Variants in PDE10A observed in about 807,000 individuals in gnomAD.
The protein encoded by PDE10A is phosphodiesterase 10A, also known as cAMP and cAMP-inhibited cGMP 3',5'-cyclic phosphodiesterase 10A.
A neutral mutation model predicts 97.7 loss-of-function variants in PDE10A; 39 were observed. The observed-to-expected ratio is 0.40, with a 90% CI of 0.31 to 0.52. The LOEUF (loss-of-function observed/expected upper bound fraction) is 0.52, where lower values mean the gene tolerates loss of function less well. PDE10A is among the 20% of genes least tolerant of loss of function. PDE10A has a pLI of 0.56. For synonymous variants in PDE10A, 371 were observed against 376.8 expected, an observed-to-expected ratio of 0.98 and a Z score of 0.18; for missense variants, 731 against 1,047.8, an observed-to-expected ratio of 0.70 and a Z score of 4.17.
chr6:165,408,543 C>T (rs1367146323), intron 13 of PDE10A, among the ~76,000 whole-genome samples: 1 of 151,936 alleles, frequency 6.6e-6, no homozygotes, highest in Non-Finnish European at 1.5e-5. Flanking sequence ...TCTAGGGATC[C>T]CACTATAAAG....
intron 1 of PDE10A, among the ~76,000 whole-genome samples, chr6:165,747,112 G>A (rs1792860923): frequency 6.6e-6 from 1 of 152,004 alleles, no homozygotes; most frequent in Non-Finnish European, 1.5e-5. Flanking sequence ...AAAGTTTAAA[G>A]AAGAAAAAGA....
chr6:165,722,653 G>T (rs1792193385), intron 1 of PDE10A, among the ~76,000 whole-genome samples: 2 of 152,068 alleles, frequency 1.3e-5, no homozygotes, highest in South Asian at 4.1e-4. Context: ...GGTGCCCAGG[G>T]GTAACTGAAA....
chr6:165,626,611 G>A (rs1015178427), intron 1 of PDE10A, among the ~76,000 whole-genome samples: 9 of 152,236 alleles, frequency 5.9e-5, no homozygotes, highest in Middle Eastern at 6.8e-3. Context: ...AAAATACCAC[G>A]GCTGAAACTA....
At chr6:165,784,780 T>A (rs971904424) in intron 1 of PDE10A, among the ~76,000 whole-genome samples, 21 of 152,138 alleles carry the variant, frequency 1.4e-4, no homozygotes. Context: ...TGGGAAACTG[T>A]ATATTCAAGC....
chr6:165,623,323 G>A (rs557510447), intron 1 of PDE10A, among the ~76,000 whole-genome samples: 28 of 152,024 alleles, frequency 1.8e-4, no homozygotes, highest in South Asian at 2.1e-4. Context: ...TCGCCATGTC[G>A]TCCAGCCTGG....
chr6:165,751,975 TAAA>T (rs956000600), intron 1 of PDE10A, among the ~76,000 whole-genome samples: 1 of 149,066 alleles, frequency 6.7e-6, no homozygotes, highest in South Asian at 2.1e-4. Flanking sequence ...CCATGTCTAC[TAAA>T]AAAAAAGTGA....
intron 1 of PDE10A, among the ~76,000 whole-genome samples, chr6:165,579,210 G>T (rs1785479310): frequency 6.6e-6 from 1 of 152,144 alleles, no homozygotes; most frequent in Non-Finnish European, 1.5e-5. Context: ...ATTTGTAGGT[G>T]GATGGAAACA....
chr6:165,657,521 G>A (rs927292528), intron 1 of PDE10A, among the ~76,000 whole-genome samples: 6 of 152,302 alleles, frequency 3.9e-5, no homozygotes, highest in South Asian at 2.1e-4. Flanking sequence ...AATGTGCACC[G>A]CACTATGTTT....
intron 13 of PDE10A, among the ~76,000 whole-genome samples, chr6:165,401,246 C>T (rs1786639095): frequency 6.6e-6 from 1 of 152,102 alleles, no homozygotes; most frequent in African/African-American, 2.4e-5. Flanking sequence ...GTATACATGA[C>T]ATATAAATTT....
rs145860174 is a variant in PDE10A at position 165,412,573 on chromosome 6, C to G, written c.2076+928G>C. Among the ~76,000 whole-genome samples, 282 of 152,206 alleles carry G rather than the reference C, an allele frequency of 1.9e-3. 1 individual carries two copies. Among genetic ancestry groups the G allele is most frequent in the African/African-American group, 6.5e-3 (269 of 41,526 alleles). On this transcript the variant is annotated intron_variant, in intron 13 of 21. Transcript: ENST00000539869. ...ACAGAAACTGTCCCCCAAAAGGGCA[C>G]CAGGAATGCGTGAGGAGAGAGGACG...
intron 2 of PDE10A, among the ~76,000 whole-genome samples, chr6:165,520,021 T>C (rs1438637408): frequency 6.6e-6 from 1 of 152,196 alleles, no homozygotes; most frequent in African/African-American, 2.4e-5. Flanking sequence ...TTTGCTTTTA[T>C]TTCTCTTGAA....
chr6:165,926,543 G>C (rs974061172), intron 1 of PDE10A, among the ~76,000 whole-genome samples: 1 of 152,196 alleles, frequency 6.6e-6, no homozygotes, highest in African/African-American at 2.4e-5. Context: ...AAACCCTAAC[G>C]GTTAGATTGG....
At chr6:165,916,036 A>C (rs1311922117) in intron 1 of PDE10A, among the ~76,000 whole-genome samples, 2 of 152,236 alleles carry the variant, frequency 1.3e-5, no homozygotes, top group Non-Finnish European at 2.9e-5. Flanking sequence ...TGCACTCTAA[A>C]TTTGGATGTA....
chr6:165,744,400 T>C (rs1792797927), intron 1 of PDE10A, among the ~76,000 whole-genome samples: 1 of 152,194 alleles, frequency 6.6e-6, no homozygotes, highest in Admixed American at 6.5e-5. Flanking sequence ...AATTGACACA[T>C]CATTATTTGT....
chr6:165,384,631 A>AGTGTGTGTGTGT (rs57175607), intron 17 of PDE10A, among the ~76,000 whole-genome samples: 50 of 67,016 alleles, frequency 7.5e-4, no homozygotes, highest in African/African-American at 1.6e-3. Context: ...TGTGTGAGTG[A>AGTGTGTGTGTGT]GTGTGTGTGT....
At chr6:165,832,872 C>T (rs1310394577) in intron 1 of PDE10A, among the ~76,000 whole-genome samples, 1 of 152,136 alleles carries the variant, frequency 6.6e-6, no homozygotes, top group Non-Finnish European at 1.5e-5. Context: ...TTAACTCCTC[C>T]CTGCAGAATT....
At chr6:165,767,242 T>A (rs1480869514) in intron 1 of PDE10A, among the ~76,000 whole-genome samples, 1 of 152,366 alleles carries the variant, frequency 6.6e-6, no homozygotes, top group East Asian at 1.9e-4. Context: ...AACCAAGAGT[T>A]GTTTATGTAA....
rs1371348654 is a variant in PDE10A, at chr6:165,661,015, C to T, written c.865+932G>A. The T allele has an allele frequency of 2.0e-5, 3 of 153,116 alleles. No individual in the cohort carries two copies. Among genetic ancestry groups the T allele is most frequent in the Non-Finnish European group, 2.9e-5 (2 of 68,748 alleles). 9.5% of individuals were successfully genotyped at this position (153,116 alleles called of 1,614,324 possible). Reference sequence around the variant, plus strand: ...CTCCTCTGCGCACCGGGCGCCTCCTCTTTCCTCACTGTCTCCCGCCTGCCT... The same window carrying T: ...CTCCTCTGCGCACCGGGCGCCTCCTTTTTCCTCACTGTCTCCCGCCTGCCT... On this transcript the variant is annotated intron_variant, in intron 1 of 21. Coordinates refer to ENST00000539869, the MANE Select transcript of PDE10A (RefSeq NM_001385079.1). This position sits in a 1 kb window ranked among gnomAD's most constrained non-coding sequence, Gnocchi z 4.8.
At chr6:165,502,336 G>C (rs1287080626) in intron 2 of PDE10A, among the ~76,000 whole-genome samples, 2 of 152,104 alleles carry the variant, frequency 1.3e-5, no homozygotes, top group African/African-American at 4.8e-5. Context: ...CACAGACTGG[G>C]AGAAAGTATT....
Sources: gnomAD v4.1 joint callset for allele counts (sites outside exome capture counted in the v4.1 genomes callset) on GRCh38, gnomAD v4.1.1 for gene constraint, Gnocchi (gnomAD v3.1) non-coding constraint, MANE v1.5 for transcripts, NCBI Gene and HGNC (gene_info 2026-07-23, HGNC 2026-07-21) for gene names.